Variants in ZNF540 observed in about 807,000 individuals in gnomAD.
ZNF540 encodes the protein CTD-3064H18.6.
A neutral mutation model predicts 11.8 loss-of-function variants in ZNF540; 3 were observed. The ratio of observed to expected loss-of-function variants is 0.25; its 90% CI spans 0.12 to 0.65. The LOEUF is 0.65. Ranked by LOEUF, ZNF540 falls within the 30% of genes least tolerant of loss-of-function variation. ZNF540 has a pLI of 0.83. For missense variants in ZNF540, 709 were observed against 793.1 expected, an observed-to-expected ratio of 0.89 and a Z score of 1.27; for synonymous variants, 247 against 259.0, an observed-to-expected ratio of 0.95 and a Z score of 0.45.
rs1170996575 is a variant in ZNF540, at chr19:37,613,345, G to GT, written c.*89dup. On this transcript the variant is annotated 3_prime_UTR_variant, in exon 5 of 5. Transcript: ENST00000316433. ...CCAGAAGTTCTGTCAATGTGTTGAT[G>GT]TTTTTTTACACATATTAACTTAATA... 1.1e-5 allele frequency: 11 copies of GT among 1,008,770 alleles called. No individual in the cohort carries two copies. The highest frequency in any genetic ancestry group is 6.5e-5 in the African/African-American group (4 of 61,484). 62.5% of individuals were successfully genotyped at this position (1,008,770 alleles called of 1,614,324 possible). A position where few individuals can be genotyped will look rare whatever the true frequency, so the allele number is the denominator to read the frequency against.
intron 1 of ZNF540, among the ~76,000 whole-genome samples, chr19:37,557,501 G>A (rs952589900): frequency 1.3e-5 from 2 of 152,124 alleles, no homozygotes; most frequent in African/African-American, 2.4e-5. Flanking sequence ...GTGTTTGCTG[G>A]TAAAGCCTGA....
chr19:37,555,086 T>G (rs938033034), intron 1 of ZNF540: 1 of 152,204 alleles, frequency 6.6e-6, no homozygotes, highest in African/African-American at 2.4e-5. Flanking sequence ...TGCCACAGTA[T>G]CTTATCAGTT....
chr19:37,557,129 T>C (rs1291837375), intron 1 of ZNF540, among the ~76,000 whole-genome samples: 1 of 152,228 alleles, frequency 6.6e-6, no homozygotes, highest in East Asian at 1.9e-4. Context: ...AGGTGTCTAC[T>C]AGTACTAGAA....
rs1319002192 is a variant in ZNF540, at chr19:37,601,043, T to C, written c.170T>C (p.Leu57Ser). ...YSGSKPDVITLLEQGKEPCVV... is the reference protein window; with the variant it reads ...YSGSKPDVITSLEQGKEPCVV... Reference sequence around the variant, plus strand: ...GGCTCAAAGCCAGATGTGATTACCTTACTGGAGCAAGGGAAAGAGCCCTGC... The same window carrying C: ...GGCTCAAAGCCAGATGTGATTACCTCACTGGAGCAAGGGAAAGAGCCCTGC... Residue 57 changes from leucine to serine, a missense_variant, in exon 4 of 5, where the codon TTA (leucine) becomes TCA (serine). Coordinates refer to ENST00000316433, the MANE Select transcript of ZNF540 (RefSeq NM_001172225.3). 1.3e-6 allele frequency: 2 copies of C among 1,591,638 alleles called. No homozygotes were observed. Among genetic ancestry groups the C allele is most frequent in the East Asian group, 4.6e-5 (2 of 43,534 alleles).
At chr19:37,584,331 G>C (rs1160764672) in intron 1 of ZNF540, among the ~76,000 whole-genome samples, 1 of 152,164 alleles carries the variant, frequency 6.6e-6, no homozygotes, top group African/African-American at 2.4e-5. Flanking sequence ...TAAAAAGCCA[G>C]ATGTGTGCAG....
At position 37,612,839 on chromosome 19, in the gene ZNF540, A is replaced by G; in HGVS notation, c.1559A>G (p.Glu520Gly). The G allele has an allele frequency of 1.9e-6, 3 of 1,614,138 alleles. No homozygotes were observed. The highest frequency in any genetic ancestry group is 2.5e-6 in the Non-Finnish European group (3 of 1,180,010). The change falls in exon 5 of 5, where the codon GAA becomes GGA. Residue 520 changes from glutamate (E) to glycine (G), a missense_variant. Coordinates refer to ENST00000316433, the MANE Select transcript of ZNF540 (RefSeq NM_001172225.3). ...LTEHQRIHTG[E>G]KPYKCKECGK... The stretch of plus-strand genomic sequence containing the variant: ...GAACACCAGAGAATTCACACTGGTG[A>G]AAAGCCCTATAAATGTAAAGAATGT...
chr19:37,564,570 CTTAAAT>C lies in ZNF540; in HGVS notation c.-73+12910_-73+12915del, dbSNP rs2042778753. ...TAGATATGAAATAGATGAAGATTTT[CTTAAAT>C]TTAATCACATTCAAGGCTTTCTCAA... is the stretch of plus-strand genomic sequence containing the variant. On this transcript the variant is annotated intron_variant, in intron 1 of 4. Coordinates refer to the ZNF540 transcript ENST00000592533. The C allele has an allele frequency of 5.5e-6, 8 of 1,453,204 alleles. No homozygotes were observed. In the African/African-American group the frequency reaches 5.6e-5, roughly 10 times the overall value. 90.0% of individuals were successfully genotyped at this position (1,453,204 alleles called of 1,614,324 possible).
upstream of ZNF540, among the ~76,000 whole-genome samples, chr19:37,592,891 C>A (rs2147217380): frequency 6.6e-6 from 1 of 152,240 alleles, no homozygotes; most frequent in African/African-American, 2.4e-5. Context: ...ACCAATTAAA[C>A]CAAAACAAAA....
chr19:37,601,690 A>C (rs542377301), intron 4 of ZNF540, among the ~76,000 whole-genome samples: 1 of 152,312 alleles, frequency 6.6e-6, no homozygotes, highest in South Asian at 2.1e-4. Context: ...TGCCCAGGGA[A>C]GGCTCTTCGA....
chr19:37,608,718 T>C (rs1444290280), intron 4 of ZNF540, among the ~76,000 whole-genome samples: 1 of 152,192 alleles, frequency 6.6e-6, no homozygotes, highest in Non-Finnish European at 1.5e-5. Context: ...TGCCACCTGA[T>C]GGACCTTAAC....
chr19:37,564,965 T>C (rs780782603), intron 1 of ZNF540: 6 of 1,613,736 alleles, frequency 3.7e-6, no homozygotes, highest in African/African-American at 2.7e-5. Context: ...ATATGTAAGT[T>C]GTGTAGCACG....
intron 1 of ZNF540, among the ~76,000 whole-genome samples, chr19:37,582,879 T>C (rs1296709391): frequency 1.3e-5 from 2 of 152,240 alleles, no homozygotes; most frequent in South Asian, 4.1e-4. Context: ...TTATCCTCAC[T>C]GTTCACATAG....
intron 1 of ZNF540, chr19:37,597,492 A>T (rs2044005319): frequency 6.6e-6 from 1 of 152,194 alleles, no homozygotes; most frequent in Admixed American, 6.5e-5. Context: ...CAATGGGGCG[A>T]TCTCAGCTCA....
chr19:37,574,517 C>T (rs1268048776), intron 1 of ZNF540, among the ~76,000 whole-genome samples: 2 of 152,158 alleles, frequency 1.3e-5, no homozygotes, highest in African/African-American at 4.8e-5. Flanking sequence ...CTTTAACTAC[C>T]TTAAGTTTCA....
chr19:37,565,959 G>T, intron 1 of ZNF540: 3 of 1,613,702 alleles, frequency 1.9e-6, no homozygotes, highest in Non-Finnish European at 2.5e-6. Flanking sequence ...TTTTCCTCAT[G>T]TTGAATAAGG....
intron 3 of ZNF540, among the ~76,000 whole-genome samples, chr19:37,600,209 T>C (rs112260052): frequency 1.1e-4 from 16 of 152,278 alleles, no homozygotes; most frequent in African/African-American, 3.9e-4. Flanking sequence ...GCATTCTACT[T>C]CCTAAAACAA....
intron 1 of ZNF540, among the ~76,000 whole-genome samples, chr19:37,581,466 CTT>C (rs1226046583): frequency 1.8e-4 from 25 of 138,618 alleles, no homozygotes; most frequent in Non-Finnish European, 2.2e-4. Context: ...TTCTTTCTTT[CTT>C]TTTTTTTTTT....
chr19:37,565,839 A>T (rs1378450458), intron 1 of ZNF540: 1 of 1,613,608 alleles, frequency 6.2e-7, no homozygotes, highest in African/African-American at 1.3e-5. Context: ...CATTCCATAC[A>T]CTCATAAGGT....
chr19:37,593,803 C>T (rs996719113), upstream of ZNF540, among the ~76,000 whole-genome samples: 2 of 152,064 alleles, frequency 1.3e-5, no homozygotes, highest in African/African-American at 4.8e-5. Flanking sequence ...TAGAGCTAAA[C>T]TGATGATCCC....
Sources: allele counts gnomAD v4.1 joint callset (sites outside exome capture counted in the v4.1 genomes callset), GRCh38; gene constraint gnomAD v4.1.1; transcripts MANE v1.5; gene names NCBI Gene and HGNC (gene_info 2026-07-23, HGNC 2026-07-21).